OPHN1: variants seen among roughly 807,000 people sequenced by gnomAD.
OPHN1 encodes the protein oligophrenin 1.
Under a neutral mutation model 60.7 loss-of-function variants are expected in OPHN1, and 11 were observed. The ratio of observed to expected loss-of-function variants is 0.18; its 90% CI spans 0.11 to 0.30. The LOEUF (loss-of-function observed/expected upper bound fraction) is 0.30. Among genes scored for constraint, OPHN1 ranks in the 10% least tolerant of loss-of-function variants. OPHN1 has a pLI of 1.00. For synonymous variants in OPHN1, 226 were observed against 222.6 expected, an observed-to-expected ratio of 1.02 and a Z score of -0.14; for missense variants, 449 against 611.0, an observed-to-expected ratio of 0.73 and a Z score of 2.80.
rs1363801183 is a variant in OPHN1, at chrX:68,116,515, G to A, written c.1361+2733C>T. 4.5e-5 allele frequency among the ~76,000 whole-genome samples: 5 copies of A among 110,970 alleles called. No individual in the cohort carries two copies. In the South Asian group the frequency reaches 1.1e-3, roughly 26 times the overall value. On this transcript the variant is annotated intron_variant, in intron 16 of 24. Coordinates refer to ENST00000355520, the MANE Select transcript of OPHN1 (RefSeq NM_002547.3). Reference sequence around the variant, plus strand: ...GAAAAATCAGAGTTTAGTCCTCACCGAGTAAAGTATCTCATTAGGCAATCT... The same window carrying A: ...GAAAAATCAGAGTTTAGTCCTCACCAAGTAAAGTATCTCATTAGGCAATCT...
chrX:68,247,451 T>A (rs1486234437), intron 5 of OPHN1, among the ~76,000 whole-genome samples: 1 of 111,685 alleles, frequency 9.0e-6, no homozygotes, highest in Non-Finnish European at 1.9e-5. Context: ...TAGACTTAGT[T>A]CTGAGGGGAA....
chrX:68,204,255 A>G (rs1246540099), intron 10 of OPHN1, among the ~76,000 whole-genome samples: 2 of 112,380 alleles, frequency 1.8e-5, no homozygotes, highest in Non-Finnish European at 3.8e-5. Flanking sequence ...ATTTGAGAAG[A>G]TGATCAGAAA....
At chrX:68,403,539 T>C (rs1329188353) in intron 2 of OPHN1, among the ~76,000 whole-genome samples, 2 of 111,384 alleles carry the variant, frequency 1.8e-5, no homozygotes, top group Non-Finnish European at 3.8e-5. Context: ...TTTGAAGGTG[T>C]TGATGTTGAA....
chrX:68,061,427 C>G (rs969811688), intron 21 of OPHN1, among the ~76,000 whole-genome samples: 1 of 111,227 alleles, frequency 9.0e-6, no homozygotes, highest in Non-Finnish European at 1.9e-5. Flanking sequence ...TGGCAACAGA[C>G]AAGACAAATT....
intron 5 of OPHN1, among the ~76,000 whole-genome samples, chrX:68,262,581 C>T (rs1001854405): frequency 1.8e-5 from 2 of 111,770 alleles, no homozygotes; most frequent in Non-Finnish European, 3.8e-5. Context: ...GTCAGGAGTT[C>T]GAGACCAGCC....
rs768990402 is a variant in OPHN1 at position 68,088,107 on chromosome X, G to A, written c.1686+8763C>T. On this transcript the variant is annotated intron_variant, in intron 19 of 24. Coordinates refer to ENST00000355520, the MANE Select transcript of OPHN1 (RefSeq NM_002547.3). ...CATCCAATATACTTATGGGAAAATC[G>A]ATGTCCAAAGAGGGGGAAGTGACTT... Among the ~76,000 whole-genome samples the A allele has an allele frequency of 2.7e-5, 3 of 111,149 alleles. No homozygotes were observed. The Admixed American group carries it at 2.9e-4, about 11-fold the overall frequency.
intron 15 of OPHN1, among the ~76,000 whole-genome samples, chrX:68,176,431 T>C (rs1018923033): frequency 1.8e-5 from 2 of 111,749 alleles, no homozygotes; most frequent in African/African-American, 6.5e-5. Context: ...TGAAAAGATA[T>C]TCAACATTGT....
intron 2 of OPHN1, among the ~76,000 whole-genome samples, chrX:68,305,699 A>T (rs1177982232): frequency 8.9e-6 from 1 of 112,637 alleles, no homozygotes; most frequent in Non-Finnish European, 1.9e-5. Flanking sequence ...TCATTGTTCA[A>T]TCATTAGCTG....
chrX:68,432,929 C>T lies in OPHN1; in HGVS notation c.92G>A (p.Arg31Lys). 8.3e-7 allele frequency: 1 copy of T among 1,211,801 alleles called. No homozygotes were observed. Among genetic ancestry groups the T allele is most frequent in the Non-Finnish European group, 1.1e-6 (1 of 895,270 alleles). The change falls in exon 2 of 25, where the codon AGG becomes AAG. Residue 31 changes from arginine (R) to lysine (K), a missense_variant. Coordinates refer to ENST00000355520, the MANE Select transcript of OPHN1 (RefSeq NM_002547.3). Reference sequence around the variant, plus strand: ...TACGTCTTTGATGAATTTGTTGGTCCTCTCCAGTTCCTGCTCATAACACTT... The same window carrying T: ...TACGTCTTTGATGAATTTGTTGGTCTTCTCCAGTTCCTGCTCATAACACTT... ...RLKCYEQELERTNKFIKDVIK... is the reference protein window; with the variant it reads ...RLKCYEQELEKTNKFIKDVIK...
intron 15 of OPHN1, among the ~76,000 whole-genome samples, chrX:68,160,053 T>C (rs1472841848): frequency 1.8e-5 from 2 of 109,403 alleles, no homozygotes; most frequent in Admixed American, 2.0e-4. Flanking sequence ...ATGTTAGATT[T>C]AAACATATAA....
chrX:68,370,317 C>T (rs1165828709), intron 2 of OPHN1, among the ~76,000 whole-genome samples: 2 of 109,556 alleles, frequency 1.8e-5, no homozygotes, highest in African/African-American at 6.7e-5. Flanking sequence ...GCCAGCCTGG[C>T]CAACATGGTG....
At chrX:68,380,544 C>T (rs2147742364) in intron 2 of OPHN1, among the ~76,000 whole-genome samples, 1 of 111,643 alleles carries the variant, frequency 9.0e-6, no homozygotes, top group Admixed American at 9.6e-5. Context: ...TTGGATCTTT[C>T]CTGCTTTCTC....
chrX:68,143,907 A>G (rs1018292865), intron 15 of OPHN1, among the ~76,000 whole-genome samples: 7 of 112,023 alleles, frequency 6.2e-5, no homozygotes, highest in Admixed American at 4.7e-4. Flanking sequence ...GCTGAGTCCT[A>G]TGAGTCCTTT....
At chrX:68,295,901 C>A (rs1243853720) in intron 3 of OPHN1, among the ~76,000 whole-genome samples, 1 of 111,693 alleles carries the variant, frequency 9.0e-6, no homozygotes, top group Non-Finnish European at 1.9e-5. Context: ...AATGTGAAAT[C>A]CAAAAGGGTA....
intron 2 of OPHN1, among the ~76,000 whole-genome samples, chrX:68,403,136 C>T (rs965457910): frequency 5.4e-5 from 6 of 112,061 alleles, no homozygotes; most frequent in African/African-American, 1.6e-4. Flanking sequence ...CAGTCCTAGC[C>T]GCCAAATGTC....
At chrX:68,399,982 G>T (rs1022915511) in intron 2 of OPHN1, among the ~76,000 whole-genome samples, 1 of 110,223 alleles carries the variant, frequency 9.1e-6, no homozygotes, top group Non-Finnish European at 1.9e-5. Context: ...CTGATTGGTT[G>T]CTTTCTGTAA....
chrX:68,340,483 G>C (rs1569285561), intron 2 of OPHN1, among the ~76,000 whole-genome samples: 1 of 111,736 alleles, frequency 8.9e-6, no homozygotes, highest in African/African-American at 3.2e-5. Flanking sequence ...TTAACAAATG[G>C]TGCTGGCACA....
rs190183104 is a variant in OPHN1, at chrX:68,392,945, C to T, written c.154+39922G>A. Among the ~76,000 whole-genome samples the T allele has an allele frequency of 2.3e-3, 255 of 111,100 alleles. 1 individual carries two copies. Among genetic ancestry groups the T allele is most frequent in the South Asian group, 4.4e-3 (11 of 2,525 alleles). On this transcript the variant is annotated intron_variant, in intron 2 of 24. Coordinates refer to ENST00000355520, the MANE Select transcript of OPHN1 (RefSeq NM_002547.3). ...AAGTTCGTGTGTGACTCGATTCTTCCGGGACACTGGACAAGAGCTCGGGAT... is the reference window on the plus strand; with the variant it reads ...AAGTTCGTGTGTGACTCGATTCTTCTGGGACACTGGACAAGAGCTCGGGAT...
At chrX:68,406,198 G>A (rs1356891054) in intron 2 of OPHN1, among the ~76,000 whole-genome samples, 1 of 110,302 alleles carries the variant, frequency 9.1e-6, no homozygotes, top group Non-Finnish European at 1.9e-5. Flanking sequence ...TCATAATCCT[G>A]TTTTCTGGGT....
Sources: allele counts gnomAD v4.1 joint callset (sites outside exome capture counted in the v4.1 genomes callset), GRCh38; gene constraint gnomAD v4.1.1; transcripts MANE v1.5; gene names NCBI Gene and HGNC (gene_info 2026-07-23, HGNC 2026-07-21).